ADA2: variants seen among roughly 807,000 people sequenced by gnomAD.
ADA2 encodes adenosine deaminase CECR1.
ADA2 carries 29 observed loss-of-function variants against 44.2 expected under a neutral mutation model. That is an observed-to-expected ratio of 0.66 (90% CI 0.49 to 0.89). ADA2 has a LOEUF of 0.89. ADA2 is among the 40% of genes least tolerant of loss of function. ADA2 has a pLI of 0.00. For missense variants in ADA2, 637 were observed against 644.8 expected (o/e 0.99, Z 0.13); for synonymous variants, 215 against 234.9 (o/e 0.92, Z 0.77).
intron 4 of ADA2, chr22:17,199,629 A>G (rs17807317): frequency 1.9e-6 from 3 of 1,613,344 alleles, no homozygotes; most frequent in Admixed American, 1.7e-5. Flanking sequence ...TGGGATCGCC[A>G]TTTGAGGTGG....
At chr22:17,198,038 C>CAAAAAA (rs35766953) in intron 4 of ADA2, among the ~76,000 whole-genome samples, 1 of 107,138 alleles carries the variant, frequency 9.3e-6, no homozygotes, top group African/African-American at 3.6e-5. Context: ...AACTCCGTCT[C>CAAAAAA]AAAAAAAAAA....
At chr22:17,217,688 G>A (rs2062486603) in intron 1 of ADA2, among the ~76,000 whole-genome samples, 2 of 152,160 alleles carry the variant, frequency 1.3e-5, no homozygotes, top group African/African-American at 4.8e-5. Flanking sequence ...TGAACCTGTA[G>A]TCCCAGCTAT....
At chr22:17,197,320 T>G (rs1419215162) in intron 4 of ADA2, among the ~76,000 whole-genome samples, 5 of 151,590 alleles carry the variant, frequency 3.3e-5, no homozygotes, top group Non-Finnish European at 7.4e-5. Context: ...CAGGCTGCAG[T>G]GCAGTGGCAT....
chr22:17,207,796 C>T (rs769329442), intron 2 of ADA2, among the ~76,000 whole-genome samples: 3 of 152,160 alleles, frequency 2.0e-5, no homozygotes, highest in Non-Finnish European at 4.4e-5. Flanking sequence ...GGCCACGGTC[C>T]TTTTCACACA....
chr22:17,217,533 C>T (rs1430909893), intron 1 of ADA2, among the ~76,000 whole-genome samples: 1 of 152,136 alleles, frequency 6.6e-6, no homozygotes, highest in East Asian at 1.9e-4. Flanking sequence ...ATTTGAATTA[C>T]ATTTAAGAAG....
At chr22:17,217,058 TAGAA>T (rs1315516875) in intron 1 of ADA2, among the ~76,000 whole-genome samples, 3 of 151,964 alleles carry the variant, frequency 2.0e-5, no homozygotes, top group African/African-American at 2.4e-5. Flanking sequence ...AAATGAGAAT[TAGAA>T]AGAACTTTCA....
At chr22:17,193,041 A>AG in intron 4 of ADA2, 1 of 720,594 alleles carries the variant, frequency 1.4e-6, no homozygotes, top group Non-Finnish European at 2.4e-6. Context: ...CGGGGTTCAT[A>AG]GAAGGTTCAA....
At chr22:17,216,971 C>T (rs5748953) in intron 1 of ADA2, among the ~76,000 whole-genome samples, 64,015 of 151,484 alleles carry the variant, frequency 0.42, 14,139 homozygotes, top group East Asian at 0.76. Flanking sequence ...AAAAGAAAAA[C>T]CTGAAAGAAC....
At chr22:17,195,072 T>C (rs1016421450) in intron 4 of ADA2, among the ~76,000 whole-genome samples, 2 of 152,086 alleles carry the variant, frequency 1.3e-5, no homozygotes, top group African/African-American at 4.8e-5. Context: ...CTGCCCACAA[T>C]TTACTGTCCC....
At position 17,193,637 on chromosome 22, in the gene ADA2, C is replaced by T. The variant is rs193110424; in HGVS notation, c.754-1827G>A. Among the ~76,000 whole-genome samples the T allele has an allele frequency of 3.4e-5, 5 of 147,554 alleles. 1 individual carries two copies. In the East Asian group the frequency reaches 1.0e-3, roughly 30 times the overall value. ...GAGCCAAGATCGCGCCATTGCACTC[C>T]AGCCTGGGTGACAGAGCGAGACTCC... On this transcript the variant is annotated intron_variant, in intron 4 of 9. Transcript: ENST00000399837.
At chr22:17,206,435 G>A (rs1206781505) in intron 3 of ADA2, among the ~76,000 whole-genome samples, 3 of 150,966 alleles carry the variant, frequency 2.0e-5, no homozygotes, top group Non-Finnish European at 3.0e-5. Flanking sequence ...CCAAGATCAC[G>A]CCACTACACT....
At chr22:17,199,586 C>T in intron 4 of ADA2, 1 of 1,614,124 alleles carries the variant, frequency 6.2e-7, no homozygotes, top group Non-Finnish European at 8.5e-7. Flanking sequence ...CATCTCCCCT[C>T]CGGAAAAAGG....
intron 1 of ADA2, among the ~76,000 whole-genome samples, chr22:17,211,352 C>T (rs1029398185): frequency 6.6e-6 from 1 of 152,038 alleles, no homozygotes; most frequent in Non-Finnish European, 1.5e-5. Context: ...GAGCAAGACT[C>T]AATCTCAAAA....
Position 17,180,835 on chromosome 22 carries a change from G to T in ADA2, c.*648C>A. 6.6e-6 allele frequency: 1 copy of T among 152,312 alleles called. No homozygotes were observed. Among genetic ancestry groups the T allele is most frequent in the Non-Finnish European group, 1.5e-5 (1 of 68,070 alleles). 9.4% of individuals were successfully genotyped at this position (152,312 alleles called of 1,614,324 possible). A position where few individuals can be genotyped will look rare whatever the true frequency, so the allele number is the denominator to read the frequency against. ...AGAGAGAAGAGAAATAAAGAGGAGA[G>T]AGTTAAAGAGACCAGAATAGGCCAG... is the stretch of plus-strand genomic sequence containing the variant. On this transcript the variant is annotated 3_prime_UTR_variant, in exon 10 of 10. Transcript: ENST00000399837.
intron 4 of ADA2, chr22:17,193,035 G>A (rs888442114): frequency 2.9e-6 from 2 of 700,548 alleles, no homozygotes; most frequent in Non-Finnish European, 5.1e-6. Flanking sequence ...TCACAACGGG[G>A]TTCATAGAAG....
At chr22:17,189,489 AG>A (rs1412579742) in intron 6 of ADA2, among the ~76,000 whole-genome samples, 1 of 152,090 alleles carries the variant, frequency 6.6e-6, no homozygotes, top group East Asian at 1.9e-4. Flanking sequence ...GGATTTGCAA[AG>A]GCCTGGCTCC....
upstream of ADA2, among the ~76,000 whole-genome samples, chr22:17,220,959 G>A (rs2062518518): frequency 6.6e-6 from 1 of 151,950 alleles, no homozygotes; most frequent in Admixed American, 6.6e-5. Flanking sequence ...GGATCACAAT[G>A]GAAGGGGTTC....
At chr22:17,216,014 C>G (rs2062467502) in intron 1 of ADA2, among the ~76,000 whole-genome samples, 1 of 151,838 alleles carries the variant, frequency 6.6e-6, no homozygotes, top group Admixed American at 6.6e-5. Context: ...TGGTGAAACC[C>G]CATCTCTACT....
At chr22:17,215,748 A>G (rs2062464549) in intron 1 of ADA2, among the ~76,000 whole-genome samples, 1 of 152,210 alleles carries the variant, frequency 6.6e-6, no homozygotes, top group Non-Finnish European at 1.5e-5. Flanking sequence ...AAGGAAGTTG[A>G]TCTCATAGAT....
Sources: allele counts gnomAD v4.1 joint callset (sites outside exome capture counted in the v4.1 genomes callset), GRCh38; gene constraint gnomAD v4.1.1; transcripts MANE v1.5; gene names NCBI Gene and HGNC (gene_info 2026-07-23, HGNC 2026-07-21).